Variants in NEB observed in about 807,000 individuals in gnomAD.
NEB encodes the protein nemaline myopathy type 2.
A neutral mutation model predicts 952.2 loss-of-function variants in NEB; 512 were observed. That is an observed-to-expected ratio of 0.54 (90% CI 0.50 to 0.58). NEB has a LOEUF of 0.58. Ranked by LOEUF, NEB falls within the 20% of genes least tolerant of loss-of-function variation. The pLI is 0.00. For synonymous variants in NEB, 2,900 were observed against 3,149.8 expected (o/e 0.92, Z 2.66); for missense variants, 8,428 against 9,231.1 (o/e 0.91, Z 3.56).
rs1553708977 is a variant in NEB, at chr2:151,546,001, T to TTA, written c.20467-4_20467-3insTA. 3.5e-5 allele frequency: 33 copies of TTA among 948,458 alleles called. No homozygotes were observed. Among genetic ancestry groups the TTA allele is most frequent in the East Asian group, 5.4e-5 (2 of 36,812 alleles). The allele number at this position is 948,458 out of a possible 1,614,324, so 58.8% of individuals were successfully genotyped here. On this transcript the variant is annotated splice_polypyrimidine_tract_variant and splice_region_variant and intron_variant, in intron 134 of 181. Coordinates refer to ENST00000397345, the MANE Select transcript of NEB (RefSeq NM_001164508.2). ...TTATCAGTGTATAGGTAATTAGACT[T>TTA]AAAAAAAAAAAAAAAAACAGAAATA...
At position 151,533,509 on chromosome 2, in the gene NEB, T is replaced by C; in HGVS notation, c.21350A>G (p.His7117Arg). ...TGGACGCAGAATTTCATTACATCCATGTTGCAGAAACATCTTGGCACTAGA... is the reference window on the plus strand; with the variant it reads ...TGGACGCAGAATTTCATTACATCCACGTTGCAGAAACATCTTGGCACTAGA... ...YKSSAKMFLQ[H>R]GCNEILRPDM... Residue 7117 changes from histidine to arginine, a missense_variant, in exon 143 of 182, where the codon CAT becomes CGT. By Grantham distance (29) the His-to-Arg change is conservative (BLOSUM62 0). This residue lies in a region of NEB where 3,374 missense variants were observed against 3,651.5 expected (regional missense o/e 0.92). Transcript: ENST00000397345. 6.4e-7 allele frequency: 1 copy of C among 1,551,518 alleles called. No homozygotes were observed. The highest frequency in any genetic ancestry group is 1.2e-5 in the South Asian group (1 of 84,068).
At chr2:151,655,018 AT>A (rs1368517986) in intron 51 of NEB, among the ~76,000 whole-genome samples, 1 of 151,850 alleles carries the variant, frequency 6.6e-6, no homozygotes, top group African/African-American at 2.4e-5. Flanking sequence ...ACAATTTTCT[AT>A]TGATTTCCTG....
chr2:151,711,798 T>A (rs2099746097), intron 10 of NEB, among the ~76,000 whole-genome samples: 1 of 152,144 alleles, frequency 6.6e-6, no homozygotes, highest in South Asian at 2.1e-4. Flanking sequence ...AAAATTGTAA[T>A]AATAATAATA....
chr2:151,547,383 G>C (rs537856203), intron 133 of NEB, 46 bp downstream of exon 133: 1 of 1,436,720 alleles, frequency 7.0e-7, no homozygotes, highest in East Asian at 2.4e-5. Flanking sequence ...AAGCAAGCCT[G>C]CGTCTTGGTA....
chr2:151,694,533 T>A lies in NEB; in HGVS notation c.1771A>T (p.Asn591Tyr). 2 of 1,613,488 alleles carry A rather than the reference T, an allele frequency of 1.2e-6. No homozygotes were observed. Among genetic ancestry groups the A allele is most frequent in the Non-Finnish European group, 8.5e-7 (1 of 1,179,578 alleles). ...CAGGCCACACTCACATCGCTGGTGTTCTTGGTGTTGGCTTTGGCTGCCAGC... is the reference window on the plus strand; with the variant it reads ...CAGGCCACACTCACATCGCTGGTGTACTTGGTGTTGGCTTTGGCTGCCAGC... ...PLLAAKANTKNTSDVMYKKDY... is the reference protein window; with the variant it reads ...PLLAAKANTKYTSDVMYKKDY... Residue 591 changes from asparagine to tyrosine, a missense_variant, in exon 19 of 182, where the codon AAC becomes TAC. This residue lies in a region of NEB where 2,851 missense variants were observed against 2,791.5 expected (regional missense o/e 1.02). Transcript: ENST00000397345.
In NEB at chr2:151,664,685, TA is replaced by T. The variant is rs992959854; in HGVS notation, c.5343+73del. 96 of 1,526,960 alleles carry T rather than the reference TA, an allele frequency of 6.3e-5. No homozygotes were observed. In the African/African-American group the frequency reaches 1.2e-3, roughly 19 times the overall value. The allele number at this position is 1,526,960 out of a possible 1,614,324, so 94.6% of individuals were successfully genotyped here. ...GAGGTCCTGACTACAAAGTGGTTGG[TA>T]TGTAGAATGCAGACATAAGTATCAG... On this transcript the variant is annotated intron_variant, in intron 43 of 181. Coordinates refer to ENST00000397345, the MANE Select transcript of NEB (RefSeq NM_001164508.2).
chr2:151,506,185 G>A lies in NEB; in HGVS notation c.23630C>T (p.Thr7877Ile), dbSNP rs772064998. The A allele has an allele frequency of 3.7e-6, 6 of 1,612,710 alleles. No homozygotes were observed. In the Admixed American group the frequency reaches 5.0e-5, roughly 13 times the overall value. Residue 7877 changes from threonine (T) to isoleucine (I), a missense_variant, in exon 164 of 182, where the codon ACA (threonine) becomes ATA (isoleucine). By Grantham distance (89) the Thr-to-Ile change is moderately conservative. Around this residue, in one of 11 missense-constraint regions of NEB, gnomAD observed 3,374 missense variants for 3,651.5 expected, o/e 0.92. Transcript: ENST00000397345. ...CTTTACCGAGCTAATGTGGTCCTGT[G>A]TTTGTTTCACTCTCATCATCTCAGG... ...KTPEMMRVKQ[T>I]QDHISSVKYK...
At chr2:151,642,480 A>T in intron 60 of NEB, 94 bp downstream of exon 60, 1 of 1,032,832 alleles carries the variant, frequency 9.7e-7, no homozygotes, top group Non-Finnish European at 1.4e-6. Flanking sequence ...CAACAGCTTT[A>T]ACCTCATGGC....
intron 118 of NEB, 35 bp downstream of exon 118, chr2:151,563,788 C>T (rs945085341): frequency 6.2e-7 from 1 of 1,609,852 alleles, no homozygotes. Flanking sequence ...CCAGTAAAGA[C>T]TCTCAAACTT....
At chr2:151,575,827 T>C (rs780558264) in intron 106 of NEB, 28 bp from the exon 107 acceptor site, 10 of 1,437,840 alleles carry the variant, frequency 7.0e-6, no homozygotes, top group Non-Finnish European at 9.8e-6. Context: ...AATAATAAAA[T>C]TACTTCACAA....
intron 9 of NEB, among the ~76,000 whole-genome samples, chr2:151,719,587 T>C (rs1240591002): frequency 6.6e-6 from 1 of 152,192 alleles, no homozygotes; most frequent in Non-Finnish European, 1.5e-5. Flanking sequence ...TGGCTTAATT[T>C]CTTTTAAATA....
chr2:151,663,873 A>C lies in NEB; in HGVS notation c.5452-14T>G, dbSNP rs1172925474. 6.2e-7 allele frequency: 1 copy of C among 1,603,730 alleles called. No individual in the cohort carries two copies. Among genetic ancestry groups the C allele is most frequent in the African/African-American group, 1.3e-5 (1 of 74,442 alleles). ...CTTGTATTTGTACTGTGGACAGAGA[A>C]GAAATTATGGTGATGAAAATGGTAA... On this transcript the variant is annotated splice_polypyrimidine_tract_variant and intron_variant, in intron 44 of 181. Transcript: ENST00000397345.
Position 151,695,636 on chromosome 2 carries a change from A to C in NEB, c.1616T>G (p.Ile539Ser). Residue 539 changes from isoleucine to serine, a missense_variant, in exon 18 of 182, where the codon ATC becomes AGC. Physicochemically the swap from Ile to Ser is moderately radical, Grantham distance 142. This residue lies in a region of NEB where 2,851 missense variants were observed against 2,791.5 expected (regional missense o/e 1.02). Coordinates refer to ENST00000397345, the MANE Select transcript of NEB (RefSeq NM_001164508.2). ...GATAAAAGCAGGAGTATCAGGGGGG[A>C]TATGGCACTTGAACTTTTCACTTTC... ...KHESEKFKCH[I>S]PPDTPAFIQH... 6.2e-7 allele frequency: 1 copy of C among 1,613,888 alleles called. No individual in the cohort carries two copies. Among genetic ancestry groups the C allele is most frequent in the Admixed American group, 1.7e-5 (1 of 60,002 alleles).
chr2:151,573,800 A>C (rs1423965895), intron 107 of NEB, among the ~76,000 whole-genome samples: 1 of 152,082 alleles, frequency 6.6e-6, no homozygotes, highest in East Asian at 1.9e-4. Context: ...ATCTTCCTTG[A>C]ACTTTCTTGA....
At chr2:151,687,819 T>C in intron 25 of NEB, 86 bp from the exon 26 acceptor site, 1 of 1,197,270 alleles carries the variant, frequency 8.4e-7, no homozygotes, top group Non-Finnish European at 1.2e-6. Flanking sequence ...AATTTGTGTA[T>C]GTATAGACTT....
intron 64 of NEB, among the ~76,000 whole-genome samples, chr2:151,634,642 AAAAAT>A (rs1048571316): frequency 3.3e-5 from 5 of 152,260 alleles, no homozygotes; most frequent in Middle Eastern, 3.4e-3. Context: ...TCCATCTCAA[AAAAAT>A]AAAATAAAAT....
chr2:151,729,497 T>G, intron 4 of NEB, 118 bp downstream of exon 4: 9 of 1,126,444 alleles, frequency 8.0e-6, no homozygotes, highest in Non-Finnish European at 1.3e-6. Flanking sequence ...GGTAGGTGAG[T>G]GATCCTCTGT....
At chr2:151,519,554 G>T in intron 154 of NEB, 104 bp downstream of exon 154, 1 of 834,166 alleles carries the variant, frequency 1.2e-6, no homozygotes, top group Non-Finnish European at 1.9e-6. Flanking sequence ...GACAGTAGTT[G>T]GATAATATTG....
intron 78 of NEB, among the ~76,000 whole-genome samples, chr2:151,611,335 G>A (rs1372335863): frequency 6.6e-6 from 1 of 152,154 alleles, no homozygotes; most frequent in African/African-American, 2.4e-5. Context: ...ATTTTTTGAA[G>A]ATGATCCATA....
Sources: allele counts gnomAD v4.1 joint callset (sites outside exome capture counted in the v4.1 genomes callset), GRCh38; gene constraint gnomAD v4.1.1; regional missense constraint gnomAD v4.1.1; transcripts MANE v1.5; gene names NCBI Gene and HGNC (gene_info 2026-07-23, HGNC 2026-07-21).